VAV3: variants seen among roughly 807,000 people sequenced by gnomAD.
The protein encoded by VAV3 is vav guanine nucleotide exchange factor 3.
A neutral mutation model predicts 131.2 loss-of-function variants in VAV3; 94 were observed. The ratio of observed to expected loss-of-function variants is 0.72; its 90% confidence interval spans 0.61 to 0.85. VAV3 has a LOEUF of 0.85. VAV3 is among the 40% of genes least tolerant of loss of function. The pLI is 0.00. For synonymous variants in VAV3, 349 were observed against 342.0 expected, an observed-to-expected ratio of 1.02 and a Z score of -0.22; for missense variants, 939 against 1,002.7, an observed-to-expected ratio of 0.94 and a Z score of 0.86.
intron 24 of VAV3, among the ~76,000 whole-genome samples, chr1:107,601,920 T>C (rs1651897101): frequency 1.3e-5 from 2 of 152,156 alleles, no homozygotes; most frequent in African/African-American, 4.8e-5. Flanking sequence ...TCTAAGGTAA[T>C]GAATGAGAAC....
chr1:107,770,180 T>C lies in VAV3; in HGVS notation c.648+456A>G, dbSNP rs150229596. ...GGGGCTCTCTCGGGAATGATCTTCA[T>C]TGGCATATGTACACGGCTTATACCC... On this transcript the variant is annotated intron_variant, in intron 6 of 26. Coordinates refer to ENST00000370056, the MANE Select transcript of VAV3 (RefSeq NM_006113.5). 3.2e-3 allele frequency among the ~76,000 whole-genome samples: 494 copies of C among 152,260 alleles called. 5 individuals carry two copies. The highest frequency in any genetic ancestry group is 0.011 in the African/African-American group (460 of 41,552).
chr1:107,596,450 T>C, intron 24 of VAV3, 109 bp from the exon 25 acceptor site: 1 of 1,223,524 alleles, frequency 8.2e-7, no homozygotes. Context: ...AATGCTAAAT[T>C]TTCCATAGGT....
At position 107,603,173 on chromosome 1, in the gene VAV3, A is replaced by G; in HGVS notation, c.2016-10T>C. 1.9e-6 allele frequency: 3 copies of G among 1,606,592 alleles called. No homozygotes were observed. The highest frequency in any genetic ancestry group is 2.6e-6 in the Non-Finnish European group (3 of 1,174,300). ...CATTGCTCCAGCATACCTGTAAAAA[A>G]CAATGACACAGAAAATTTGGATAAT... is the stretch of plus-strand genomic sequence containing the variant. On this transcript the variant is annotated splice_polypyrimidine_tract_variant and intron_variant, in intron 22 of 26. Transcript: ENST00000370056.
At chr1:107,935,215 T>C (rs1465171725) in intron 1 of VAV3, among the ~76,000 whole-genome samples, 2 of 152,236 alleles carry the variant, frequency 1.3e-5, no homozygotes, top group African/African-American at 4.8e-5. Flanking sequence ...AAGCAGTTGC[T>C]TCTAATTATT....
At chr1:107,713,387 TAG>T (rs1230107926) in intron 15 of VAV3, among the ~76,000 whole-genome samples, 1 of 151,316 alleles carries the variant, frequency 6.6e-6, no homozygotes, top group Non-Finnish European at 1.5e-5. Context: ...CATAAAAAAT[TAG>T]AGAAAGCAGA....
At chr1:107,632,129 C>A (rs1018722608) in intron 20 of VAV3, among the ~76,000 whole-genome samples, 1 of 152,168 alleles carries the variant, frequency 6.6e-6, no homozygotes, top group Admixed American at 6.5e-5. Context: ...TTTGTAGCTA[C>A]GTTTAATAAT....
intron 2 of VAV3, among the ~76,000 whole-genome samples, chr1:107,856,863 C>T (rs1669494429): frequency 6.6e-6 from 1 of 151,984 alleles, no homozygotes; most frequent in South Asian, 2.1e-4. Context: ...ATGGTGAGAC[C>T]TCATCTCTAC....
chr1:107,958,708 A>G (rs1305748706), intron 1 of VAV3, among the ~76,000 whole-genome samples: 4 of 152,172 alleles, frequency 2.6e-5, no homozygotes, highest in Admixed American at 2.6e-4. Context: ...TACATGTGCC[A>G]TGGTGGTTTC....
intron 16 of VAV3, 89 bp downstream of exon 16, chr1:107,704,871 A>C: frequency 7.5e-7 from 1 of 1,341,626 alleles, no homozygotes; most frequent in Non-Finnish European, 1.1e-6. Context: ...CCACTTTAGA[A>C]CCTATTGGCT....
intron 17 of VAV3, among the ~76,000 whole-genome samples, chr1:107,696,238 C>T (rs1448664201): frequency 6.6e-6 from 1 of 152,138 alleles, no homozygotes; most frequent in African/African-American, 2.4e-5. Context: ...CAAAGTGTTA[C>T]AACCAAATCA....
intron 19 of VAV3, among the ~76,000 whole-genome samples, chr1:107,664,335 T>C (rs1048644619): frequency 1.1e-4 from 10 of 87,992 alleles, no homozygotes; most frequent in African/African-American, 6.7e-4. Flanking sequence ...TTATTCCTGA[T>C]GCTCTCCCTC....
intron 19 of VAV3, among the ~76,000 whole-genome samples, chr1:107,666,612 C>T (rs565515375): frequency 3.3e-5 from 5 of 151,622 alleles, no homozygotes; most frequent in African/African-American, 4.8e-5. Context: ...ACTCTGCCAC[C>T]AGGCTGGAAT....
chr1:107,641,433 T>C (rs1655327833), intron 20 of VAV3, among the ~76,000 whole-genome samples: 1 of 152,182 alleles, frequency 6.6e-6, no homozygotes, highest in South Asian at 2.1e-4. Flanking sequence ...AACGAATTCT[T>C]TCCTCAACAT....
At chr1:107,753,561 CTT>C (rs1553201332) in intron 12 of VAV3, among the ~76,000 whole-genome samples, 1 of 81,586 alleles carries the variant, frequency 1.2e-5, no homozygotes, top group African/African-American at 4.7e-5. Flanking sequence ...CACACACACA[CTT>C]TTTTTTTTGA....
chr1:107,900,731 TG>T (rs1671812902), intron 1 of VAV3, among the ~76,000 whole-genome samples: 1 of 152,200 alleles, frequency 6.6e-6, no homozygotes, highest in Admixed American at 6.5e-5. Context: ...CACCAGGACA[TG>T]GAGAAGATAT....
intron 15 of VAV3, among the ~76,000 whole-genome samples, chr1:107,743,021 T>C (rs2102026453): frequency 6.6e-6 from 1 of 152,230 alleles, no homozygotes; most frequent in East Asian, 1.9e-4. Context: ...AAAGCTTATG[T>C]GTGAATATCT....
chr1:107,728,823 T>C (rs1450191552), intron 15 of VAV3, among the ~76,000 whole-genome samples: 1 of 152,120 alleles, frequency 6.6e-6, no homozygotes, highest in Non-Finnish European at 1.5e-5. Context: ...AGGGCGCAAC[T>C]ATAGAATTAT....
chr1:107,933,542 A>G (rs547554758), intron 1 of VAV3, among the ~76,000 whole-genome samples: 1 of 152,260 alleles, frequency 6.6e-6, no homozygotes, highest in South Asian at 2.1e-4. Context: ...TTTAATTGAC[A>G]TATGAAAATT....
intron 25 of VAV3, among the ~76,000 whole-genome samples, chr1:107,582,773 T>C (rs1650164837): frequency 2.0e-5 from 3 of 152,130 alleles, no homozygotes; most frequent in Non-Finnish European, 2.9e-5. Context: ...TAGTATTCCA[T>C]GGTGAATATC....
Sources: gnomAD v4.1 joint callset for allele counts (sites outside exome capture counted in the v4.1 genomes callset) on GRCh38, gnomAD v4.1.1 for gene constraint, MANE v1.5 for transcripts, NCBI Gene and HGNC (gene_info 2026-07-23, HGNC 2026-07-21) for gene names.